TRPV2: variants seen among roughly 807,000 people sequenced by gnomAD.
TRPV2 encodes transient receptor potential cation channel subfamily V member 2.
In TRPV2, 58 loss-of-function variants were observed where a neutral mutation model predicts 91.0. That is an observed-to-expected ratio of 0.64 (90% CI 0.52 to 0.79). The LOEUF (loss-of-function observed/expected upper bound fraction) is 0.79. TRPV2 is among the 30% of genes least tolerant of loss of function. The pLI is 0.00. For missense variants in TRPV2, 807 were observed against 969.6 expected (o/e 0.83, Z 2.23); for synonymous variants, 417 against 414.8 (o/e 1.01, Z -0.06).
intron 12 of TRPV2, among the ~76,000 whole-genome samples, chr17:16,432,635 T>C (rs2093418676): frequency 6.6e-6 from 1 of 151,816 alleles, no homozygotes; most frequent in Admixed American, 6.6e-5. Flanking sequence ...GAGAAGAAGG[T>C]CTCACTATGT....
intron 8 of TRPV2, 53 bp from the exon 9 acceptor site, chr17:16,428,264 G>C: frequency 1.9e-6 from 3 of 1,575,614 alleles, no homozygotes; most frequent in East Asian, 4.5e-5. Context: ...AGGCCAGCAG[G>C]GGGCATGCGG....
chr17:16,422,650 A>G lies in TRPV2; in HGVS notation c.386A>G (p.Asp129Gly), dbSNP rs1318744139. 2 of 1,614,012 alleles carry G rather than the reference A, an allele frequency of 1.2e-6. No homozygotes were observed. Among genetic ancestry groups the G allele is most frequent in the South Asian group, 1.1e-5 (1 of 91,064 alleles). The change falls in exon 4 of 15, where the codon GAC becomes GGC. Residue 129 changes from aspartate (D) to glycine (G), a missense_variant. By Grantham distance (94) the Asp-to-Gly change is moderately conservative. Transcript: ENST00000338560. ...CLMKAVLNLK[D>G]GVNACILPLL... Reference sequence around the variant, plus strand: ...ATGAAGGCTGTGCTGAACCTTAAGGACGGAGTCAATGCCTGCATTCTGCCA... The same window carrying G: ...ATGAAGGCTGTGCTGAACCTTAAGGGCGGAGTCAATGCCTGCATTCTGCCA...
chr17:16,425,986 C>A (rs1247762368), intron 5 of TRPV2, 113 bp from the exon 6 acceptor site: 3 of 1,202,598 alleles, frequency 2.5e-6, no homozygotes, highest in Non-Finnish European at 3.6e-6. Flanking sequence ...CACGTGTCAG[C>A]TGCAGCTCTG....
In TRPV2 at chr17:16,424,547, C is replaced by T. The variant is rs189165301; in HGVS notation, c.924+780C>T. Among the ~76,000 whole-genome samples the T allele has an allele frequency of 3.7e-3, 571 of 152,282 alleles. 3 individuals are homozygous for T. Among genetic ancestry groups the T allele is most frequent in the African/African-American group, 0.013 (533 of 41,556 alleles). ...CTGACCTCAGGTGATCTGCCCACCTCGGCCTCCCAAAGTGCTGGGATTACA... is the reference window on the plus strand; with the variant it reads ...CTGACCTCAGGTGATCTGCCCACCTTGGCCTCCCAAAGTGCTGGGATTACA... On this transcript the variant is annotated intron_variant, in intron 5 of 14. Transcript: ENST00000338560.
At chr17:16,419,561 T>C (rs2093346752) in intron 2 of TRPV2, among the ~76,000 whole-genome samples, 1 of 152,214 alleles carries the variant, frequency 6.6e-6, no homozygotes, top group African/African-American at 2.4e-5. Context: ...GTTTATCTAA[T>C]GGAGAAATGA....
intron 8 of TRPV2, 102 bp downstream of exon 8, chr17:16,427,649 C>T: frequency 4.4e-6 from 5 of 1,133,948 alleles, no homozygotes; most frequent in Non-Finnish European, 6.2e-6. Flanking sequence ...AATACCCAGT[C>T]CCACCCAGAG....
intron 4 of TRPV2, 99 bp from the exon 5 acceptor site, chr17:16,423,370 C>T (rs889838729): frequency 7.3e-7 from 1 of 1,366,854 alleles, no homozygotes; most frequent in Non-Finnish European, 9.9e-7. Context: ...AGAAGCCTGA[C>T]CTGTTTCAAG....
rs1220480795 is a variant in TRPV2, at chr17:16,431,274, T to C, written c.1588-510T>C. ...TCTGAGACATATATATATATATATA[T>C]ATATATATATATACATATTTTTTTT... On this transcript the variant is annotated intron_variant, in intron 10 of 14. Transcript: ENST00000338560. Among the ~76,000 whole-genome samples, 48 of 75,560 alleles carry C rather than the reference T, an allele frequency of 6.4e-4. 1 individual carries two copies. The highest frequency in any genetic ancestry group is 2.8e-3 in the African/African-American group (47 of 16,698). The allele number at this position is 75,560 out of a possible 152,430, so 49.6% of individuals were successfully genotyped here.
chr17:16,420,063 G>C (rs1600958015), intron 2 of TRPV2, 52 bp from the exon 3 acceptor site: 6 of 1,587,900 alleles, frequency 3.8e-6, no homozygotes, highest in South Asian at 2.3e-5. Flanking sequence ...AGGGCTTTTG[G>C]GGGGGCCTGT....
intron 14 of TRPV2, among the ~76,000 whole-genome samples, chr17:16,436,021 C>T (rs2093432549): frequency 6.6e-6 from 1 of 152,174 alleles, no homozygotes; most frequent in Non-Finnish European, 1.5e-5. Context: ...CGGGGCTGCC[C>T]CAGCAGGTCA....
At chr17:16,436,714 G>A (rs1446521695) in intron 14 of TRPV2, 75 bp from the exon 15 acceptor site, 6 of 1,050,610 alleles carry the variant, frequency 5.7e-6, no homozygotes, top group African/African-American at 1.6e-5. Context: ...CATGACTGTG[G>A]CCCCGTTTCC....
chr17:16,424,414 C>G (rs762475222), intron 5 of TRPV2, among the ~76,000 whole-genome samples: 41 of 152,070 alleles, frequency 2.7e-4, no homozygotes, highest in Non-Finnish European at 5.7e-4. Flanking sequence ...CCCGCTTCGG[C>G]CTCCCAAAGT....
At chr17:16,430,595 C>A (rs144571419) in intron 10 of TRPV2, among the ~76,000 whole-genome samples, 4 of 151,948 alleles carry the variant, frequency 2.6e-5, no homozygotes, top group African/African-American at 9.7e-5. Flanking sequence ...AAGCGATTCT[C>A]CTGCCTCAGC....
In TRPV2 at chr17:16,427,531, A is replaced by G. The variant is rs2093389388; in HGVS notation, c.1334A>G (p.Tyr445Cys). 1 of 1,611,998 alleles carries G rather than the reference A, an allele frequency of 6.2e-7. No homozygotes were observed. Among genetic ancestry groups the G allele is most frequent in the Non-Finnish European group, 8.5e-7 (1 of 1,178,702 alleles). Reference protein sequence around the residue: ...GHILILLGGIYLLVGQLWYFW... With the variant: ...GHILILLGGICLLVGQLWYFW... ...ATCCTTATCCTGCTAGGGGGGATCTACCTCCTCGTGGGCCAGGTGAGTGCC... is the reference window on the plus strand; with the variant it reads ...ATCCTTATCCTGCTAGGGGGGATCTGCCTCCTCGTGGGCCAGGTGAGTGCC... The change falls in exon 8 of 15, where the codon TAC becomes TGC. Residue 445 changes from tyrosine (Y) to cysteine (C), a missense_variant. By Grantham distance (194) the Tyr-to-Cys change is radical. Coordinates refer to ENST00000338560, the MANE Select transcript of TRPV2 (RefSeq NM_016113.5).
chr17:16,431,426 T>G (rs1185668174), intron 10 of TRPV2, among the ~76,000 whole-genome samples: 1 of 150,910 alleles, frequency 6.6e-6, no homozygotes, highest in Non-Finnish European at 1.5e-5. Context: ...CCTGAGTAGC[T>G]GGGATTACAA....
chr17:16,423,026 G>T (rs993752529), intron 4 of TRPV2, 137 bp downstream of exon 4: 1 of 1,100,012 alleles, frequency 9.1e-7, no homozygotes, highest in Non-Finnish European at 1.3e-6. Context: ...TAACCACTAG[G>T]CTGCCTGCAA....
chr17:16,424,067 G>A (rs1245356764), intron 5 of TRPV2, among the ~76,000 whole-genome samples: 2 of 151,662 alleles, frequency 1.3e-5, no homozygotes, highest in South Asian at 2.1e-4. Flanking sequence ...TCGGCTCACC[G>A]CAACCTCTGC....
In TRPV2 at chr17:16,433,584, C is replaced by A. The variant is rs750610854; in HGVS notation, c.2000C>A (p.Ser667Tyr). The change falls in exon 13 of 15, where the codon TCT (serine) becomes TAT (tyrosine). Residue 667 changes from serine to tyrosine, a missense_variant. Ser to Tyr is a moderately radical substitution (Grantham distance 144). Transcript: ENST00000338560. ...WSIWKLQKAI[S>Y]VLEMENGYWW... ...ATCCTTTGTCCCCAGAAAGCCATCTCTGTCCTGGAGATGGAGAATGGCTAT... is the reference window on the plus strand; with the variant it reads ...ATCCTTTGTCCCCAGAAAGCCATCTATGTCCTGGAGATGGAGAATGGCTAT... 1 of 1,614,114 alleles carries A rather than the reference C, an allele frequency of 6.2e-7. No individual in the cohort carries two copies. The highest frequency in any genetic ancestry group is 1.1e-5 in the South Asian group (1 of 91,072).
At chr17:16,418,613 G>A (rs1352339607) in intron 2 of TRPV2, among the ~76,000 whole-genome samples, 2 of 152,082 alleles carry the variant, frequency 1.3e-5, no homozygotes, top group African/African-American at 4.8e-5. Flanking sequence ...GAGGACAGTG[G>A]TCAGATTCAG....
Sources: allele counts gnomAD v4.1 joint callset (sites outside exome capture counted in the v4.1 genomes callset), GRCh38; gene constraint gnomAD v4.1.1; transcripts MANE v1.5; gene names NCBI Gene and HGNC (gene_info 2026-07-23, HGNC 2026-07-21).